Variants in MKLN1 observed in about 807,000 individuals in gnomAD.
MKLN1 encodes the protein muskelin.
A neutral mutation model predicts 99.0 loss-of-function variants in MKLN1; 18 were observed. The ratio of observed to expected loss-of-function variants is 0.18; its 90% CI spans 0.13 to 0.27. The LOEUF is 0.27. MKLN1 is among the 10% of genes least tolerant of loss of function. The pLI is 1.00. For missense variants in MKLN1, 621 were observed against 875.9 expected (o/e 0.71, Z 3.67); for synonymous variants, 288 against 293.2 (o/e 0.98, Z 0.18).
chr7:131,328,655 G>A (rs1798971273), intron 1 of MKLN1, among the ~76,000 whole-genome samples: 1 of 152,182 alleles, frequency 6.6e-6, no homozygotes, highest in Admixed American at 6.5e-5. Context: ...AAGAATTTCA[G>A]TATTACGGCT....
intron 2 of MKLN1, among the ~76,000 whole-genome samples, chr7:131,143,785 A>G (rs1795775897): frequency 6.6e-6 from 1 of 152,168 alleles, no homozygotes; most frequent in South Asian, 2.1e-4. Context: ...CCATGATCAC[A>G]ACACTGCACT....
chr7:131,156,124 A>T (rs889209058), intron 2 of MKLN1, among the ~76,000 whole-genome samples: 1 of 152,158 alleles, frequency 6.6e-6, no homozygotes, highest in Non-Finnish European at 1.5e-5. Flanking sequence ...AGGGATGCAA[A>T]AGTCATTGCG....
intron 1 of MKLN1, among the ~76,000 whole-genome samples, chr7:131,135,265 G>C (rs1795630933): frequency 1.3e-5 from 2 of 152,170 alleles, no homozygotes; most frequent in South Asian, 4.1e-4. Context: ...TGGGACTACA[G>C]GCGCCCACCA....
At chr7:131,281,766 C>T (rs1274986350) in intron 3 of MKLN1, among the ~76,000 whole-genome samples, 1 of 151,938 alleles carries the variant, frequency 6.6e-6, no homozygotes, top group Non-Finnish European at 1.5e-5. Context: ...ACTGCAACCT[C>T]CAACTTGTGA....
intron 12 of MKLN1, among the ~76,000 whole-genome samples, chr7:131,446,613 T>G (rs535738193): frequency 6.6e-6 from 1 of 152,354 alleles, no homozygotes; most frequent in African/African-American, 2.4e-5. Context: ...TTATTGGCTC[T>G]TTTGCCAAAT....
Position 131,129,601 on chromosome 7 carries a change from T to A in MKLN1, c.-418-13219T>A, listed in dbSNP as rs573429078. Among the ~76,000 whole-genome samples the A allele has an allele frequency of 3.3e-5, 5 of 152,210 alleles. No individual in the cohort carries two copies. In the South Asian group the frequency reaches 1.0e-3, roughly 32 times the overall value. ...TATTATTTATTATTTAAAGACAGGG[T>A]CTCTCTCTGTCACCCAGGCTGGAGT... On this transcript the variant is annotated intron_variant, in intron 1 of 7. Transcript: ENST00000416992.
chr7:131,435,982 T>C (rs1194051146), intron 9 of MKLN1, among the ~76,000 whole-genome samples: 1 of 152,168 alleles, frequency 6.6e-6, no homozygotes, highest in Non-Finnish European at 1.5e-5. Context: ...TATTCTCTTA[T>C]TAAAATTTCA....
intron 12 of MKLN1, among the ~76,000 whole-genome samples, chr7:131,447,019 A>G (rs1209297822): frequency 1.3e-5 from 2 of 152,208 alleles, no homozygotes; most frequent in Non-Finnish European, 2.9e-5. Flanking sequence ...AAGGATAGGG[A>G]CACAACAGGA....
intron 3 of MKLN1, among the ~76,000 whole-genome samples, chr7:131,303,665 G>A (rs1238057262): frequency 6.6e-6 from 1 of 152,184 alleles, no homozygotes; most frequent in Non-Finnish European, 1.5e-5. Context: ...ACGCACTTGA[G>A]AATTGTATGA....
intron 2 of MKLN1, among the ~76,000 whole-genome samples, chr7:131,192,152 TA>T (rs954596867): frequency 8.2e-6 from 1 of 121,844 alleles, no homozygotes; most frequent in Non-Finnish European, 1.6e-5. Context: ...TACGTATATA[TA>T]CATATATACT....
intron 16 of MKLN1, among the ~76,000 whole-genome samples, chr7:131,476,233 G>C (rs1796962141): frequency 6.6e-6 from 1 of 152,154 alleles, no homozygotes; most frequent in Non-Finnish European, 1.5e-5. Flanking sequence ...CCCTAAGATT[G>C]TGACAAGGAA....
chr7:131,465,900 T>A (rs1242144486), intron 14 of MKLN1, among the ~76,000 whole-genome samples: 1 of 152,214 alleles, frequency 6.6e-6, no homozygotes, highest in African/African-American at 2.4e-5. Context: ...ATTCAGCATT[T>A]ATGTCAGAAT....
At chr7:131,137,522 G>T (rs1175991115) in intron 1 of MKLN1, among the ~76,000 whole-genome samples, 3 of 152,080 alleles carry the variant, frequency 2.0e-5, no homozygotes, top group Non-Finnish European at 4.4e-5. Flanking sequence ...TTTAATTCTA[G>T]ATTTGTGAGA....
At chr7:131,275,937 G>A (rs972008591) in intron 3 of MKLN1, among the ~76,000 whole-genome samples, 1 of 152,138 alleles carries the variant, frequency 6.6e-6, no homozygotes, top group Non-Finnish European at 1.5e-5. Flanking sequence ...CTGGGATAGG[G>A]AGGTTGGGTC....
In MKLN1 at chr7:131,355,628, C is replaced by CTATATA. The variant is rs58377694; in HGVS notation, c.99-19780_99-19775dup. ...AGGCTCTGATTTCTTTAACTTGATA[C>CTATATA]TATATATATATATATATATATGCTT... On this transcript the variant is annotated intron_variant, in intron 1 of 17. Transcript: ENST00000352689. Among the ~76,000 whole-genome samples the CTATATA allele has an allele frequency of 5.0e-3, 689 of 136,902 alleles. 9 individuals carry two copies. The highest frequency in any genetic ancestry group is 0.013 in the African/African-American group (464 of 34,942). The allele number at this position is 136,902 out of a possible 152,430, so 89.8% of individuals were successfully genotyped here. A position where few individuals can be genotyped will look rare whatever the true frequency, so the allele number is the denominator to read the frequency against.
rs778896630 is a variant in MKLN1, at chr7:131,438,017, A to G, written c.1173+20A>G. On this transcript the variant is annotated intron_variant, in intron 10 of 17. Transcript: ENST00000352689. ...CATCAGGTTTGATGCACAGTTAAAT[A>G]TATGATGGAATTAATCAGTGCTTAG... is the stretch of plus-strand genomic sequence containing the variant. 3.8e-6 allele frequency: 6 copies of G among 1,559,200 alleles called. No individual in the cohort carries two copies. The highest frequency in any genetic ancestry group is 3.5e-6 in the Non-Finnish European group (4 of 1,130,128).
chr7:131,283,655 G>C (rs1563278595), intron 3 of MKLN1, among the ~76,000 whole-genome samples: 3 of 151,930 alleles, frequency 2.0e-5, no homozygotes, highest in African/African-American at 2.4e-5. Context: ...GGCTGGTCTA[G>C]AACTCCTGGG....
At chr7:131,313,687 G>T (rs1021086040) in intron 3 of MKLN1, among the ~76,000 whole-genome samples, 1 of 152,212 alleles carries the variant, frequency 6.6e-6, no homozygotes, top group African/African-American at 2.4e-5. Flanking sequence ...CAAAATCACA[G>T]GAATCTATCA....
chr7:131,115,136 G>T (rs1297346977), intron 1 of MKLN1, among the ~76,000 whole-genome samples: 1 of 152,154 alleles, frequency 6.6e-6, no homozygotes, highest in Non-Finnish European at 1.5e-5. Context: ...TAAAGGGCAA[G>T]TAGGGAAGGA....
Sources: gnomAD v4.1 joint callset for allele counts (sites outside exome capture counted in the v4.1 genomes callset) on GRCh38, gnomAD v4.1.1 for gene constraint, MANE v1.5 for transcripts, NCBI Gene and HGNC (gene_info 2026-07-23, HGNC 2026-07-21) for gene names.